RPRD1A: variants seen among roughly 807,000 people sequenced by gnomAD.
The protein encoded by RPRD1A is regulation of nuclear pre-mRNA domain containing 1A, also known as regulation of nuclear pre-mRNA domain-containing protein 1A.
Under a neutral mutation model 37.8 loss-of-function variants are expected in RPRD1A, and 9 were observed. The ratio of observed to expected loss-of-function variants is 0.24; its 90% CI spans 0.14 to 0.42. The LOEUF is 0.42. Ranked by LOEUF, RPRD1A falls within the 10% of genes least tolerant of loss-of-function variation. RPRD1A has a pLI of 1.00. For synonymous variants in RPRD1A, 138 were observed against 139.7 expected (o/e 0.99, Z 0.08); for missense variants, 255 against 371.0 (o/e 0.69, Z 2.57).
rs766615588 is a variant in RPRD1A, at chr18:36,027,290, T to C, written c.507A>G (p.Ala169=). 14 of 1,613,794 alleles carry C rather than the reference T, an allele frequency of 8.7e-6. No homozygotes were observed. Among genetic ancestry groups the C allele is most frequent in the Admixed American group, 1.7e-5 (1 of 60,000 alleles). Residue 169 remains alanine, a synonymous_variant, in exon 5 of 7, where the codon GCA becomes GCG. Coordinates refer to ENST00000399022, the MANE Select transcript of RPRD1A (RefSeq NM_018170.5). ...EPPQTLDLVR[A]LQDLENAASG... ...AGGCTGCATTTTCCAGATCTTGTAA[T>C]GCTCTAACGAGATCTAGAGTCTAAA...
rs1480855047 is a variant in RPRD1A at position 35,990,746 on chromosome 18, T to G, written c.*2405A>C. On this transcript the variant is annotated 3_prime_UTR_variant, in exon 7 of 7. Coordinates refer to ENST00000399022, the MANE Select transcript of RPRD1A (RefSeq NM_018170.5). ...TGGAGAAAACGCTCATGATTTACAA[T>G]TTGGTATTATAATACCCCCAACTAA... 1 of 152,206 alleles carries G rather than the reference T, an allele frequency of 6.6e-6. No individual in the cohort carries two copies. The highest frequency in any genetic ancestry group is 1.5e-5 in the Non-Finnish European group (1 of 68,032). The allele number at this position is 152,206 out of a possible 1,614,324, so 9.4% of individuals were successfully genotyped here.
intron 1 of RPRD1A, among the ~76,000 whole-genome samples, chr18:36,039,745 A>G (rs1258420016): frequency 1.3e-5 from 2 of 152,238 alleles, no homozygotes; most frequent in Non-Finnish European, 2.9e-5. Context: ...AATGCTGATA[A>G]ATACAATAAA....
rs1568108598 is a variant in RPRD1A, at chr18:35,993,221, G to A, written c.869C>T (p.Ser290Phe). ...RSRIQSLPDL[S>F]RLPNVTGSHM... ...GCTGCCAGTGACATTGGGCAATCGA[G>A]ATAAGTCTGGCAGGCTCTGGATCCG... The change falls in exon 7 of 7, where the codon TCT becomes TTT. Residue 290 changes from serine (S) to phenylalanine (F), a missense_variant. Physicochemically the swap from Ser to Phe is radical, Grantham distance 155. Coordinates refer to ENST00000399022, the MANE Select transcript of RPRD1A (RefSeq NM_018170.5). 2 of 1,614,068 alleles carry A rather than the reference G, an allele frequency of 1.2e-6. No individual in the cohort carries two copies. The highest frequency in any genetic ancestry group is 1.3e-5 in the African/African-American group (1 of 74,922).
intron 6 of RPRD1A, among the ~76,000 whole-genome samples, chr18:36,013,243 T>A (rs530117726): frequency 6.6e-6 from 1 of 152,028 alleles, no homozygotes; most frequent in African/African-American, 2.4e-5. Flanking sequence ...AAAATCTAAG[T>A]TCCCAACATT....
intron 1 of RPRD1A, among the ~76,000 whole-genome samples, chr18:36,056,779 A>G (rs1913804964): frequency 6.6e-6 from 1 of 152,158 alleles, no homozygotes; most frequent in Non-Finnish European, 1.5e-5. Flanking sequence ...GGCACCTTAG[A>G]ACAGCCACAA....
intron 6 of RPRD1A, among the ~76,000 whole-genome samples, chr18:35,999,326 C>A (rs1909280416): frequency 6.6e-6 from 1 of 152,096 alleles, no homozygotes; most frequent in South Asian, 2.1e-4. Context: ...GTCTCAGATG[C>A]CTCCTTCATA....
At chr18:36,043,397 A>C (rs1445354393) in intron 1 of RPRD1A, among the ~76,000 whole-genome samples, 1 of 152,206 alleles carries the variant, frequency 6.6e-6, no homozygotes, top group Non-Finnish European at 1.5e-5. Flanking sequence ...TTGGTTAAGG[A>C]GAACAAAAGA....
intron 6 of RPRD1A, among the ~76,000 whole-genome samples, chr18:36,015,173 TACACACAC>T (rs368940718): frequency 2.3e-3 from 307 of 130,948 alleles, no homozygotes; most frequent in African/African-American, 6.6e-3. Flanking sequence ...TACACATATA[TACACACAC>T]ACACACACAC....
At chr18:36,024,039 A>G (rs1477782860) in intron 6 of RPRD1A, among the ~76,000 whole-genome samples, 1 of 152,366 alleles carries the variant, frequency 6.6e-6, no homozygotes, top group East Asian at 1.9e-4. Context: ...AGTTTATGCA[A>G]TACTTTCAAC....
intron 1 of RPRD1A, among the ~76,000 whole-genome samples, chr18:36,047,754 A>G (rs1002321829): frequency 6.6e-6 from 1 of 152,234 alleles, no homozygotes; most frequent in Non-Finnish European, 1.5e-5. Flanking sequence ...CAAATAATAC[A>G]AGCTACCACA....
At chr18:36,046,567 T>C (rs1002057120) in intron 1 of RPRD1A, among the ~76,000 whole-genome samples, 12 of 151,772 alleles carry the variant, frequency 7.9e-5, no homozygotes, top group Non-Finnish European at 1.3e-4. Context: ...CAGTGGCACA[T>C]GCCTGTAATC....
chr18:36,054,483 T>A (rs1913624298), intron 1 of RPRD1A, among the ~76,000 whole-genome samples: 3 of 152,136 alleles, frequency 2.0e-5, no homozygotes, highest in Admixed American at 2.0e-4. Flanking sequence ...AGAGCGAGAC[T>A]CCATCTCAAA....
chr18:36,054,862 GA>G (rs140858556), intron 1 of RPRD1A, among the ~76,000 whole-genome samples: 148 of 145,470 alleles, frequency 1.0e-3, no homozygotes, highest in African/African-American at 3.4e-3. Context: ...AAAAAAGAAA[GA>G]AAAAAAAAAA....
At chr18:36,035,588 AAAG>A (rs1410708990) in intron 1 of RPRD1A, among the ~76,000 whole-genome samples, 2 of 152,230 alleles carry the variant, frequency 1.3e-5, no homozygotes, top group African/African-American at 2.4e-5. Flanking sequence ...TAGCAACTGA[AAAG>A]AAGAAAAAGA....
chr18:35,995,566 C>T (rs1383065686), intron 6 of RPRD1A, among the ~76,000 whole-genome samples: 2 of 152,154 alleles, frequency 1.3e-5, no homozygotes, highest in African/African-American at 4.8e-5. Context: ...CTGTGCCCGG[C>T]CTTGTCTCCA....
In RPRD1A at chr18:35,992,358, T is replaced by A. The variant is rs1293868556; in HGVS notation, c.*793A>T. The A allele has an allele frequency of 6.6e-6, 1 of 152,260 alleles. No individual in the cohort carries two copies. The highest frequency in any genetic ancestry group is 1.5e-5 in the Non-Finnish European group (1 of 68,024). 9.4% of individuals were successfully genotyped at this position (152,260 alleles called of 1,614,324 possible). The stretch of plus-strand genomic sequence containing the variant: ...ATTAATTATGTTAAAAGGAAACTGA[T>A]TTGACAAATAGAAACCAGTTCCAGA... On this transcript the variant is annotated 3_prime_UTR_variant, in exon 7 of 7. Transcript: ENST00000399022.
intron 2 of RPRD1A, among the ~76,000 whole-genome samples, 181 bp from the exon 3 acceptor site, chr18:36,031,278 C>T (rs1008498007): frequency 9.9e-5 from 15 of 152,282 alleles, no homozygotes; most frequent in African/African-American, 2.9e-4. Flanking sequence ...TCTAGACACA[C>T]TGCTTGCTTC....
rs1911739937 is a variant in RPRD1A, at chr18:36,030,977, G to T, written c.388+14C>A. On this transcript the variant is annotated intron_variant, in intron 3 of 6. Coordinates refer to ENST00000399022, the MANE Select transcript of RPRD1A (RefSeq NM_018170.5). ...TGAAGAGATCAAGGTAAGAGATCAGGATTCTACACTTACACAGAGCTTGTT... is the reference window on the plus strand; with the variant it reads ...TGAAGAGATCAAGGTAAGAGATCAGTATTCTACACTTACACAGAGCTTGTT... 2.5e-6 allele frequency: 4 copies of T among 1,592,812 alleles called. No homozygotes were observed. In the East Asian group the frequency reaches 9.0e-5, roughly 36 times the overall value.
intron 6 of RPRD1A, among the ~76,000 whole-genome samples, chr18:36,002,162 T>C (rs989464764): frequency 4.6e-5 from 7 of 152,226 alleles, no homozygotes; most frequent in African/African-American, 1.7e-4. Flanking sequence ...GTCACTAATT[T>C]TTAAAATTCT....
Sources: gnomAD v4.1 joint callset for allele counts (sites outside exome capture counted in the v4.1 genomes callset) on GRCh38, gnomAD v4.1.1 for gene constraint, MANE v1.5 for transcripts, NCBI Gene and HGNC (gene_info 2026-07-23, HGNC 2026-07-21) for gene names.